Variants in PAK1 observed in about 807,000 individuals in gnomAD.
The protein encoded by PAK1 is p21 (RAC1) activated kinase 1.
A neutral mutation model predicts 67.4 loss-of-function variants in PAK1; 29 were observed. That is an observed-to-expected ratio of 0.43 (90% CI 0.32 to 0.59). The LOEUF (loss-of-function observed/expected upper bound fraction) is 0.59. PAK1 is among the 20% of genes least tolerant of loss of function. PAK1 has a pLI of 0.07. For missense variants in PAK1, 337 were observed against 670.7 expected, an observed-to-expected ratio of 0.50 and a Z score of 5.50; for synonymous variants, 223 against 237.4, an observed-to-expected ratio of 0.94 and a Z score of 0.56.
At chr11:77,365,906 G>C (rs1407632246) in intron 5 of PAK1, among the ~76,000 whole-genome samples, 1 of 151,010 alleles carries the variant, frequency 6.6e-6, no homozygotes, top group Non-Finnish European at 1.5e-5. Context: ...AAGTCAACAT[G>C]AAAATATTTA....
At chr11:77,522,437 T>C in the PAK1 span, among the ~76,000 whole-genome samples, 1,027 of 152,316 alleles carry the variant, frequency 6.7e-3, 20 homozygotes, top group African/African-American at 0.023. Flanking sequence ...GTCAAAGCCT[T>C]AGTAAGACAA....
At chr11:77,365,025 G>A (rs1947306428) in intron 5 of PAK1, among the ~76,000 whole-genome samples, 1 of 152,080 alleles carries the variant, frequency 6.6e-6, no homozygotes, top group Non-Finnish European at 1.5e-5. Context: ...AAGGTGGGCG[G>A]ATCACGAAGT....
intron 4 of PAK1, among the ~76,000 whole-genome samples, chr11:77,375,062 T>G (rs1056868877): frequency 5.3e-5 from 8 of 152,156 alleles, no homozygotes; most frequent in African/African-American, 1.7e-4. Context: ...TGATAAGAAT[T>G]TTTCAACTCC....
At chr11:77,442,351 T>C (rs1956391841) in intron 1 of PAK1, among the ~76,000 whole-genome samples, 1 of 152,184 alleles carries the variant, frequency 6.6e-6, no homozygotes, top group African/African-American at 2.4e-5. Context: ...TTTGATTACA[T>C]TAGACACAGC....
At chr11:77,470,301 A>C (rs1379485306) in intron 1 of PAK1, among the ~76,000 whole-genome samples, 1 of 152,198 alleles carries the variant, frequency 6.6e-6, no homozygotes, top group East Asian at 1.9e-4. Context: ...TCCTAAACTG[A>C]GGGAAACAAA....
chr11:77,407,295 C>T (rs1286139426), intron 1 of PAK1, among the ~76,000 whole-genome samples: 1 of 152,150 alleles, frequency 6.6e-6, no homozygotes, highest in Non-Finnish European at 1.5e-5. Context: ...AAAGCACATA[C>T]TTCGTGGTTT....
the PAK1 span, among the ~76,000 whole-genome samples, chr11:77,491,553 AT>A: frequency 9.2e-5 from 14 of 152,140 alleles, no homozygotes; most frequent in African/African-American, 3.4e-4. Flanking sequence ...AAGAAAAAAA[AT>A]AAAGTGTAGA....
At chr11:77,460,216 G>C (rs1317237204) in intron 1 of PAK1, among the ~76,000 whole-genome samples, 1 of 144,284 alleles carries the variant, frequency 6.9e-6, no homozygotes, top group Non-Finnish European at 1.5e-5. Context: ...AAGAAGGAAA[G>C]AAAAAAAAGA....
chr11:77,462,282 G>A (rs2135497441), intron 1 of PAK1, among the ~76,000 whole-genome samples: 1 of 151,466 alleles, frequency 6.6e-6, no homozygotes, highest in African/African-American at 2.4e-5. Flanking sequence ...AGTGAGCCGA[G>A]ATTGCTCCAC....
intron 1 of PAK1, among the ~76,000 whole-genome samples, chr11:77,448,300 G>A (rs1336226745): frequency 6.6e-6 from 1 of 152,208 alleles, no homozygotes; most frequent in African/African-American, 2.4e-5. Flanking sequence ...TACTCAATGC[G>A]TGGTACTTTC....
At chr11:77,472,360 A>C (rs1213699747) in intron 1 of PAK1, among the ~76,000 whole-genome samples, 1 of 152,194 alleles carries the variant, frequency 6.6e-6, no homozygotes, top group Non-Finnish European at 1.5e-5. Flanking sequence ...AATAGGAACC[A>C]AAATGTTGTA....
At chr11:77,493,901 T>C in the PAK1 span, among the ~76,000 whole-genome samples, 1 of 152,200 alleles carries the variant, frequency 6.6e-6, no homozygotes. Flanking sequence ...AGCCAGTCCA[T>C]TATTTCTGTC....
chr11:77,349,141 ACCT>A, intron 9 of PAK1, 95 bp downstream of exon 9: 18 of 866,304 alleles, frequency 2.1e-5, no homozygotes, highest in Middle Eastern at 2.3e-4. Flanking sequence ...AAAAAAAAAA[ACCT>A]AGAACTGTTC....
chr11:77,472,420 T>C (rs899247042), intron 1 of PAK1, among the ~76,000 whole-genome samples: 6 of 152,324 alleles, frequency 3.9e-5, no homozygotes, highest in Non-Finnish European at 7.3e-5. Flanking sequence ...ATCAGCTCTG[T>C]CTGTAAGAGG....
chr11:77,459,842 G>A (rs1415906296), intron 1 of PAK1, among the ~76,000 whole-genome samples: 2 of 151,948 alleles, frequency 1.3e-5, no homozygotes, highest in African/African-American at 4.8e-5. Context: ...GACTACAGGC[G>A]CCCGCCACCG....
chr11:77,462,982 A>AAGGGG (rs1555174687), intron 1 of PAK1, among the ~76,000 whole-genome samples: 18 of 11,710 alleles, frequency 1.5e-3, no homozygotes, highest in South Asian at 2.9e-3. Context: ...AAAAAAAAAA[A>AAGGGG]GGTGGGTGGG....
At chr11:77,359,374 A>T (rs1250189545) in intron 5 of PAK1, among the ~76,000 whole-genome samples, 2 of 152,168 alleles carry the variant, frequency 1.3e-5, no homozygotes, top group Admixed American at 6.6e-5. Flanking sequence ...CTGAACAGGA[A>T]ATAAAGTATG....
At chr11:77,415,151 G>C (rs1316797058) in intron 1 of PAK1, among the ~76,000 whole-genome samples, 1 of 152,098 alleles carries the variant, frequency 6.6e-6, no homozygotes, top group Non-Finnish European at 1.5e-5. Context: ...TATCATTAGA[G>C]AACTGCAAAT....
chr11:77,442,821 C>T (rs1055577306), intron 1 of PAK1, among the ~76,000 whole-genome samples: 1 of 152,128 alleles, frequency 6.6e-6, no homozygotes, highest in Non-Finnish European at 1.5e-5. Flanking sequence ...AAAAGTCCAG[C>T]CGAAATGAAA....
Sources: gnomAD v4.1 joint callset for allele counts (sites outside exome capture counted in the v4.1 genomes callset) on GRCh38, gnomAD v4.1.1 for gene constraint, MANE v1.5 for transcripts, NCBI Gene and HGNC (gene_info 2026-07-23, HGNC 2026-07-21) for gene names.